The following EBF1 variants were observed in gnomAD, a reference collection of about 807,000 sequenced individuals.
The protein encoded by EBF1 is EBF transcription factor 1, also known as transcription factor COE1.
A neutral mutation model predicts 68.4 loss-of-function variants in EBF1; 10 were observed. The observed-to-expected ratio is 0.15, with a 90% CI of 0.09 to 0.25. EBF1 has a LOEUF of 0.25. EBF1 is among the 10% of genes least tolerant of loss of function. The pLI, the probability that EBF1 is intolerant of heterozygous loss-of-function variation, is 1.00. For missense variants in EBF1, 509 were observed against 794.4 expected (o/e 0.64, Z 4.32); for synonymous variants, 298 against 299.8 (o/e 0.99, Z 0.06).
intron 6 of EBF1, chr5:158,986,534 A>G (rs1292739134): frequency 2.6e-5 from 4 of 152,180 alleles, no homozygotes; most frequent in African/African-American, 9.7e-5. Flanking sequence ...ACATTCTCCA[A>G]TTTTATAAAA....
chr5:158,897,853 T>C (rs1802471614), intron 6 of EBF1, among the ~76,000 whole-genome samples: 1 of 152,138 alleles, frequency 6.6e-6, no homozygotes, highest in African/African-American at 2.4e-5. Context: ...TCTCCAACAG[T>C]GAAGAGTGGT....
At chr5:158,704,959 G>A (rs1411309147) in intron 15 of EBF1, among the ~76,000 whole-genome samples, 1 of 152,168 alleles carries the variant, frequency 6.6e-6, no homozygotes, top group African/African-American at 2.4e-5. Context: ...GGGATATTTG[G>A]TATATGACAG....
At chr5:158,765,873 C>T (rs1337779591) in intron 10 of EBF1, among the ~76,000 whole-genome samples, 1 of 152,144 alleles carries the variant, frequency 6.6e-6, no homozygotes, top group Non-Finnish European at 1.5e-5. Flanking sequence ...ACAGATAATT[C>T]AACTCATACC....
intron 8 of EBF1, among the ~76,000 whole-genome samples, chr5:158,819,968 A>T (rs1216162972): frequency 6.6e-6 from 1 of 152,162 alleles, no homozygotes; most frequent in African/African-American, 2.4e-5. Context: ...TTACAGGGTC[A>T]TTTATCAGAG....
intron 6 of EBF1, among the ~76,000 whole-genome samples, chr5:159,046,923 A>T (rs566892613): frequency 6.6e-6 from 1 of 152,336 alleles, no homozygotes; most frequent in East Asian, 1.9e-4. Flanking sequence ...GTTGGTTCTC[A>T]TGAGTCCACA....
At chr5:158,923,928 T>G (rs530321381) in intron 6 of EBF1, among the ~76,000 whole-genome samples, 9 of 152,346 alleles carry the variant, frequency 5.9e-5, no homozygotes, top group Middle Eastern at 3.4e-3. Context: ...CTTTTTTGGG[T>G]ACAGCAACAT....
At chr5:159,066,586 T>C (rs1481833548) in intron 6 of EBF1, among the ~76,000 whole-genome samples, 1 of 151,834 alleles carries the variant, frequency 6.6e-6, no homozygotes, top group Non-Finnish European at 1.5e-5. Flanking sequence ...ACAAAGATTT[T>C]TTTTTTTTGC....
intron 6 of EBF1, among the ~76,000 whole-genome samples, chr5:159,051,925 AT>A (rs1436070963): frequency 6.6e-6 from 1 of 152,182 alleles, no homozygotes; most frequent in Non-Finnish European, 1.5e-5. Flanking sequence ...TTCTTTTGCC[AT>A]TTATAGTTGT....
intron 6 of EBF1, among the ~76,000 whole-genome samples, chr5:158,999,126 C>A (rs1460281681): frequency 6.6e-6 from 1 of 152,014 alleles, no homozygotes; most frequent in Non-Finnish European, 1.5e-5. Context: ...AGAATGAAAG[C>A]CATATTGATG....
intron 6 of EBF1, among the ~76,000 whole-genome samples, chr5:159,038,236 A>G (rs1041664122): frequency 2.0e-5 from 3 of 152,142 alleles, no homozygotes; most frequent in African/African-American, 7.2e-5. Context: ...TATAAGCTTT[A>G]TGGCAAAAAG....
rs372607339 is a variant in EBF1, at chr5:158,767,434, A to G, written c.1036+9979T>C. 2.1e-3 allele frequency among the ~76,000 whole-genome samples: 316 copies of G among 152,294 alleles called. 4 individuals carry two copies. Among genetic ancestry groups the G allele is most frequent in the African/African-American group, 7.4e-3 (309 of 41,572 alleles). On this transcript the variant is annotated intron_variant, in intron 10 of 15. Transcript: ENST00000313708. ...TTCAGGGAATCAGGTAATTCCATAA[A>G]TTAACAAGGTAAAGTAGCATGCCAG...
chr5:158,955,949 T>C (rs1816971698), intron 6 of EBF1, among the ~76,000 whole-genome samples: 1 of 152,266 alleles, frequency 6.6e-6, no homozygotes, highest in South Asian at 2.1e-4. Flanking sequence ...AACAAATACT[T>C]ATTTCTTACA....
intron 6 of EBF1, among the ~76,000 whole-genome samples, chr5:159,053,280 G>C (rs1584288303): frequency 6.6e-6 from 1 of 152,270 alleles, no homozygotes; most frequent in Non-Finnish European, 1.5e-5. Context: ...TCAGCACATA[G>C]AATTGCTGTA....
chr5:158,782,978 G>T (rs962860859), intron 9 of EBF1, among the ~76,000 whole-genome samples: 1 of 151,882 alleles, frequency 6.6e-6, no homozygotes, highest in East Asian at 1.9e-4. Context: ...AAAAAGAAAA[G>T]GATGTCTAAA....
intron 10 of EBF1, among the ~76,000 whole-genome samples, chr5:158,751,352 A>G (rs1768857587): frequency 6.6e-6 from 1 of 151,424 alleles, no homozygotes; most frequent in South Asian, 2.1e-4. Context: ...CCTGGCTCAT[A>G]ATGACCTGAG....
chr5:158,745,329 A>G (rs1426353733), intron 10 of EBF1, among the ~76,000 whole-genome samples: 1 of 152,218 alleles, frequency 6.6e-6, no homozygotes, highest in African/African-American at 2.4e-5. Flanking sequence ...CATAAAAAAT[A>G]ATGGTGTAAT....
In EBF1 at chr5:158,695,967, T is replaced by G. The variant is rs1755703191; in HGVS notation, c.*3144A>C. ...ATTAAATATTGTGAAAGTTGAAAAG[T>G]TTTTACAGCTTGAATTTTTGCAAAA... On this transcript the variant is annotated 3_prime_UTR_variant, in exon 16 of 16. Coordinates refer to ENST00000313708, the MANE Select transcript of EBF1 (RefSeq NM_024007.5). 5.3e-6 allele frequency: 1 copy of G among 188,798 alleles called. No individual in the cohort carries two copies. Among genetic ancestry groups the G allele is most frequent in the African/African-American group, 2.4e-5 (1 of 41,666 alleles). The allele number at this position is 188,798 out of a possible 1,614,324, so 11.7% of individuals were successfully genotyped here.
intron 6 of EBF1, among the ~76,000 whole-genome samples, chr5:159,046,919 T>C (rs1402386335): frequency 1.3e-5 from 2 of 152,184 alleles, no homozygotes; most frequent in Admixed American, 6.5e-5. Context: ...CTCAGTTGGT[T>C]CTCATGAGTC....
intron 6 of EBF1, among the ~76,000 whole-genome samples, chr5:158,946,536 C>G (rs189303973): frequency 8.9e-4 from 135 of 152,334 alleles, no homozygotes; most frequent in Non-Finnish European, 6.5e-4. Flanking sequence ...GCCAAGACTG[C>G]TGCCTGTTCC....
Sources: allele counts gnomAD v4.1 joint callset (sites outside exome capture counted in the v4.1 genomes callset), GRCh38; gene constraint gnomAD v4.1.1; transcripts MANE v1.5; gene names NCBI Gene and HGNC (gene_info 2026-07-23, HGNC 2026-07-21).